The following OSMR variants were observed in gnomAD, a reference collection of about 807,000 sequenced individuals.
OSMR encodes the protein oncostatin M receptor.
In OSMR, 81 loss-of-function variants were observed where a neutral mutation model predicts 99.9. That is an observed-to-expected ratio of 0.81 (90% CI 0.68 to 0.97). OSMR has a LOEUF of 0.97. OSMR is among the 50% of genes least tolerant of loss of function. The probability of loss-of-function intolerance (pLI) is 0.00; values close to 1 mark genes in which losing one functional copy is unlikely to be tolerated. For synonymous variants in OSMR, 406 were observed against 410.4 expected (o/e 0.99, Z 0.13); for missense variants, 1,099 against 1,153.4 (o/e 0.95, Z 0.68).
intron 1 of OSMR, chr5:38,942,285 A>G (rs375174096): frequency 1.5e-5 from 22 of 1,469,216 alleles, no homozygotes; most frequent in Non-Finnish European, 2.1e-5. Flanking sequence ...ATGTATCTAT[A>G]TCCATCATAA....
intron 10 of OSMR, among the ~76,000 whole-genome samples, chr5:38,917,855 C>A (rs1317205647): frequency 6.6e-6 from 1 of 152,164 alleles, no homozygotes; most frequent in Non-Finnish European, 1.5e-5. Context: ...AACTTCAACT[C>A]AGGCCAGGCT....
At chr5:38,873,199 T>C (rs1235283810) in intron 2 of OSMR, among the ~76,000 whole-genome samples, 3 of 152,228 alleles carry the variant, frequency 2.0e-5, no homozygotes, top group Non-Finnish European at 4.4e-5. Flanking sequence ...GTATAAAACC[T>C]TTTGTATCTG....
chr5:38,857,721 G>A (rs905261462), intron 1 of OSMR, among the ~76,000 whole-genome samples: 1 of 151,894 alleles, frequency 6.6e-6, no homozygotes, highest in Non-Finnish European at 1.5e-5. Context: ...AGGCTGGAGT[G>A]CAATGGTGCC....
chr5:38,884,256 T>C (rs1450722277), intron 5 of OSMR, 145 bp downstream of exon 5: 2 of 759,388 alleles, frequency 2.6e-6, no homozygotes, highest in Non-Finnish European at 4.7e-6. Context: ...GGCTCTGAAG[T>C]CGATGTCCTT....
chr5:38,898,476 C>T (rs1447030838), intron 7 of OSMR, among the ~76,000 whole-genome samples: 1 of 152,116 alleles, frequency 6.6e-6, no homozygotes, highest in Non-Finnish European at 1.5e-5. Flanking sequence ...TATCTTCAGT[C>T]TATATGTGCC....
At chr5:38,903,097 A>G (rs531677022) in intron 7 of OSMR, among the ~76,000 whole-genome samples, 1 of 152,254 alleles carries the variant, frequency 6.6e-6, no homozygotes, top group South Asian at 2.1e-4. Flanking sequence ...GTCAGATTGA[A>G]TCCTGCTTGC....
At chr5:38,849,092 C>T (rs1323678299) in intron 1 of OSMR, among the ~76,000 whole-genome samples, 1 of 152,098 alleles carries the variant, frequency 6.6e-6, no homozygotes, top group Non-Finnish European at 1.5e-5. Flanking sequence ...ACATGTTATC[C>T]TAAAGTAGAA....
At chr5:38,907,778 A>G (rs867767808) in intron 9 of OSMR, among the ~76,000 whole-genome samples, 1 of 152,092 alleles carries the variant, frequency 6.6e-6, no homozygotes, top group Admixed American at 6.5e-5. Flanking sequence ...AGCCTACCCA[A>G]TGCCACCTTG....
chr5:38,854,042 T>TAA (rs542459630), intron 1 of OSMR, among the ~76,000 whole-genome samples: 2 of 139,572 alleles, frequency 1.4e-5, no homozygotes, highest in African/African-American at 2.6e-5. Flanking sequence ...GCAGTACTCT[T>TAA]AAAAAAAAAA....
Position 38,883,913 on chromosome 5 carries a change from G to A in OSMR, c.505G>A (p.Val169Ile), listed in dbSNP as rs35207712. 699 of 1,613,604 alleles carry A rather than the reference G, an allele frequency of 4.3e-4. 2 individuals are homozygous for A. In the African/African-American group the frequency reaches 8.3e-3, roughly 19 times the overall value. The change falls in exon 5 of 18, where the codon GTT (valine) becomes ATT (isoleucine). Residue 169 changes from valine (V) to isoleucine (I), a missense_variant. Coordinates refer to ENST00000274276, the MANE Select transcript of OSMR (RefSeq NM_003999.3). ...AGGCACCAATGTTACCATTTGTTAC[G>A]TTTCTAGGAACATTCAAAATAATGT... ...EEGTNVTICY[V>I]SRNIQNNVSC...
chr5:38,933,557 GT>G lies in OSMR; in HGVS notation c.*116del. 1.7e-6 allele frequency: 2 copies of G among 1,165,474 alleles called. No individual in the cohort carries two copies. The highest frequency in any genetic ancestry group is 2.5e-6 in the Non-Finnish European group (2 of 793,520). The allele number at this position is 1,165,474 out of a possible 1,614,324, so 72.2% of individuals were successfully genotyped here. ...AATCCCAGTACGATTTGCAGGTCTG[GT>G]TTATATAAGACCACTACAGTCTGGC... is the stretch of plus-strand genomic sequence containing the variant. On this transcript the variant is annotated 3_prime_UTR_variant, in exon 18 of 18. Transcript: ENST00000274276.
chr5:38,903,683 A>C, intron 7 of OSMR, 199 bp from the exon 8 acceptor site: 1 of 657,688 alleles, frequency 1.5e-6, no homozygotes, highest in South Asian at 6.8e-5. Flanking sequence ...ATTTTGTTCA[A>C]TGCATGCAGT....
At chr5:38,853,661 A>AT (rs1740618697) in intron 1 of OSMR, among the ~76,000 whole-genome samples, 1 of 152,042 alleles carries the variant, frequency 6.6e-6, no homozygotes, top group African/African-American at 2.4e-5. Flanking sequence ...CCAGTTTTTC[A>AT]TTTTTTTATT....
chr5:38,895,158 A>ATTTGAT (rs1744423681), intron 7 of OSMR, among the ~76,000 whole-genome samples: 1 of 152,122 alleles, frequency 6.6e-6, no homozygotes, highest in Non-Finnish European at 1.5e-5. Context: ...AAAGATCTCA[A>ATTTGAT]ATTAACAATC....
intron 7 of OSMR, among the ~76,000 whole-genome samples, chr5:38,888,953 C>T (rs1318676278): frequency 6.6e-6 from 1 of 151,952 alleles, no homozygotes; most frequent in Non-Finnish European, 1.5e-5. Flanking sequence ...AAATTTTTAG[C>T]TTATATTTTC....
Position 38,925,910 on chromosome 5 carries a change from T to C in OSMR, c.2212+539T>C, listed in dbSNP as rs145548956. Among the ~76,000 whole-genome samples the C allele has an allele frequency of 9.2e-5, 14 of 152,294 alleles. No individual in the cohort carries two copies. In the East Asian group the frequency reaches 2.7e-3, roughly 29 times the overall value. ...TTGAGCAGGGGAATGGAATACTTGC[T>C]CACAAACTCCCTGTTTGCATATTTG... On this transcript the variant is annotated intron_variant, in intron 15 of 17. Coordinates refer to ENST00000274276, the MANE Select transcript of OSMR (RefSeq NM_003999.3).
At chr5:38,864,834 T>C (rs537906744) in intron 1 of OSMR, among the ~76,000 whole-genome samples, 1 of 152,340 alleles carries the variant, frequency 6.6e-6, no homozygotes, top group East Asian at 1.9e-4. Flanking sequence ...TTCAATGTCA[T>C]TGCCCATGTC....
intron 8 of OSMR, 81 bp from the exon 9 acceptor site, chr5:38,904,272 C>A (rs1274575810): frequency 1.4e-5 from 22 of 1,552,232 alleles, no homozygotes; most frequent in Non-Finnish European, 1.9e-5. Context: ...TCTGGTTTGC[C>A]TTTGTAATGG....
chr5:38,934,031 G>GC lies in OSMR; in HGVS notation c.*588dup. The GC allele has an allele frequency of 6.6e-6, 1 of 151,422 alleles. No individual in the cohort carries two copies. The allele number at this position is 151,422 out of a possible 1,614,324, so 9.4% of individuals were successfully genotyped here. On this transcript the variant is annotated 3_prime_UTR_variant, in exon 18 of 18. Coordinates refer to ENST00000274276, the MANE Select transcript of OSMR (RefSeq NM_003999.3). Reference sequence around the variant, plus strand: ...TTAACTCTGTGGGTGGGGGCGGGGGGCATAGCTCTAATCTAATATATAAAA... The same window carrying GC: ...TTAACTCTGTGGGTGGGGGCGGGGGGCCATAGCTCTAATCTAATATATAAAA...
Sources: gnomAD v4.1 joint callset for allele counts (sites outside exome capture counted in the v4.1 genomes callset) on GRCh38, gnomAD v4.1.1 for gene constraint, MANE v1.5 for transcripts, NCBI Gene and HGNC (gene_info 2026-07-23, HGNC 2026-07-21) for gene names.